The following PRDM2 variants were observed in gnomAD, a reference collection of about 807,000 sequenced individuals.
The protein encoded by PRDM2 is PR/SET domain 2, also known as PR domain zinc finger protein 2.
A neutral mutation model predicts 130.0 loss-of-function variants in PRDM2; 30 were observed. The ratio of observed to expected loss-of-function variants is 0.23; its 90% CI spans 0.17 to 0.31. PRDM2 has a LOEUF of 0.31. Ranked by LOEUF, PRDM2 falls within the 10% of genes least tolerant of loss-of-function variation. The probability of loss-of-function intolerance (pLI) is 1.00; values close to 1 mark genes in which losing one functional copy is unlikely to be tolerated. For synonymous variants in PRDM2, 871 were observed against 782.4 expected (o/e 1.11, Z -1.89); for missense variants, 2,011 against 2,108.4 (o/e 0.95, Z 0.90).
chr1:13,753,475 TTTAAA>T (rs954667736), intron 6 of PRDM2, among the ~76,000 whole-genome samples: 2 of 152,020 alleles, frequency 1.3e-5, no homozygotes, highest in African/African-American at 4.8e-5. Flanking sequence ...ATCAGAATTG[TTTAAA>T]TTAAAAACCT....
chr1:13,753,906 G>A (rs916776310), intron 6 of PRDM2, among the ~76,000 whole-genome samples: 2 of 152,198 alleles, frequency 1.3e-5, no homozygotes, highest in Admixed American at 1.3e-4. Context: ...TCTGGGTGCT[G>A]GAGTTTCAGC....
chr1:13,716,096 T>A (rs991188078), intron 2 of PRDM2, among the ~76,000 whole-genome samples: 3 of 152,024 alleles, frequency 2.0e-5, no homozygotes, highest in Non-Finnish European at 4.4e-5. Flanking sequence ...GTGGCACATA[T>A]ACACCATGGA....
chr1:13,776,640 A>G (rs952623534), intron 7 of PRDM2, among the ~76,000 whole-genome samples: 5 of 152,192 alleles, frequency 3.3e-5, no homozygotes, highest in African/African-American at 9.6e-5. Flanking sequence ...TGCTGTCACA[A>G]TCACAAGACC....
rs116354248 is a variant in PRDM2, at chr1:13,798,076, G to T, written c.5036+15245G>T. Among the ~76,000 whole-genome samples, 305 of 152,246 alleles carry T rather than the reference G, an allele frequency of 2.0e-3. 2 individuals are homozygous for T. The highest frequency in any genetic ancestry group is 7.2e-3 in the African/African-American group (297 of 41,526). On this transcript the variant is annotated intron_variant, in intron 8 of 9. Transcript: ENST00000311066. ...GCTCAGGAGCTGGGGACATTTCTGA[G>T]TGTCGTAGGTAAGAGGGAATTGGGG...
chr1:13,742,295 A>C, intron 5 of PRDM2, 138 bp downstream of exon 5: 1 of 971,584 alleles, frequency 1.0e-6, no homozygotes, highest in South Asian at 1.7e-5. Flanking sequence ...AAGCCTCCCC[A>C]GCCTTGGGCG....
chr1:13,779,281 A>G lies in PRDM2; in HGVS notation c.1486A>G (p.Thr496Ala), dbSNP rs1225763885. The G allele has an allele frequency of 5.0e-6, 8 of 1,614,106 alleles. No homozygotes were observed. Among genetic ancestry groups the G allele is most frequent in the Non-Finnish European group, 5.9e-6 (7 of 1,179,968 alleles). Reference sequence around the variant, plus strand: ...TTGTAAAAAGGTTTTTGGAACTCATACTAATATGAGACGGCATCAGCGTAG... The same window carrying G: ...TTGTAAAAAGGTTTTTGGAACTCATGCTAATATGAGACGGCATCAGCGTAG... ...KYCKKVFGTHTNMRRHQRRVH... is the reference protein window; with the variant it reads ...KYCKKVFGTHANMRRHQRRVH... Residue 496 changes from threonine (T) to alanine (A), a missense_variant, in exon 8 of 10, where the codon ACT (threonine) becomes GCT (alanine). By Grantham distance (58) the Thr-to-Ala change is moderately conservative (BLOSUM62 0). Coordinates refer to ENST00000311066, the MANE Select transcript of PRDM2 (RefSeq NM_001393986.1). This position sits in a 1 kb window ranked among gnomAD's most constrained non-coding sequence, Gnocchi z 4.9.
chr1:13,782,556 T>C lies in PRDM2; in HGVS notation c.4761T>C (p.Val1587=). 10 of 1,614,168 alleles carry C rather than the reference T, an allele frequency of 6.2e-6. No homozygotes were observed. The highest frequency in any genetic ancestry group is 7.6e-6 in the Non-Finnish European group (9 of 1,180,030). ...TAAGAATGGCCAAAATAACTCATGTTGAGGGGAAAAAACCTAAAGCTGTGG... is the reference window on the plus strand; with the variant it reads ...TAAGAATGGCCAAAATAACTCATGTCGAGGGGAAAAAACCTAAAGCTGTGG... ...SPIRMAKITH[V]EGKKPKAVAK... is the part of the protein sequence containing the mutation. The change falls in exon 8 of 10, where the codon GTT becomes GTC. Residue 1587 remains valine (V), a synonymous_variant. Coordinates refer to ENST00000311066, the MANE Select transcript of PRDM2 (RefSeq NM_001393986.1).
intron 5 of PRDM2, among the ~76,000 whole-genome samples, chr1:13,743,189 GGAGATTGAGA>G (rs1643500483): frequency 6.6e-6 from 1 of 152,038 alleles, no homozygotes. Flanking sequence ...CATGAGGTCA[GGAGATTGAGA>G]CCATCCTGGC....
At chr1:13,757,988 G>A (rs1644000528) in intron 6 of PRDM2, among the ~76,000 whole-genome samples, 1 of 152,004 alleles carries the variant, frequency 6.6e-6, no homozygotes, top group Non-Finnish European at 1.5e-5. Flanking sequence ...TTCCTAAGGA[G>A]GGGCACGCGT....
chr1:13,743,437 C>T (rs1227901268), intron 5 of PRDM2, among the ~76,000 whole-genome samples: 1 of 147,034 alleles, frequency 6.8e-6, no homozygotes, highest in African/African-American at 2.5e-5. Flanking sequence ...GACAGATCCT[C>T]ACATTATACA....
chr1:13,770,479 A>G (rs765723691), intron 6 of PRDM2, among the ~76,000 whole-genome samples: 4 of 152,054 alleles, frequency 2.6e-5, no homozygotes, highest in Non-Finnish European at 5.9e-5. Flanking sequence ...TGACCTACAG[A>G]CTGGGTTTGT....
chr1:13,738,656 T>C lies in PRDM2; in HGVS notation c.232-3349T>C, dbSNP rs1303852048. The C allele has an allele frequency of 3.9e-5, 6 of 152,364 alleles. No individual in the cohort carries two copies. In the South Asian group the frequency reaches 8.3e-4, roughly 21 times the overall value. The allele number at this position is 152,364 out of a possible 1,614,324, so 9.4% of individuals were successfully genotyped here. On this transcript the variant is annotated intron_variant, in intron 4 of 9. Transcript: ENST00000311066. Reference sequence around the variant, plus strand: ...AAATGTCCTCTGACAAGTGGGCTTATTGAAATAAAATGTGCTATCACCTGT... The same window carrying C: ...AAATGTCCTCTGACAAGTGGGCTTACTGAAATAAAATGTGCTATCACCTGT...
intron 8 of PRDM2, chr1:13,786,774 G>T: frequency 3.0e-6 from 4 of 1,340,552 alleles, no homozygotes. Context: ...GGCACTGTAA[G>T]ACAGGCCAGA....
intron 2 of PRDM2, 38 bp downstream of exon 2, chr1:13,715,652 C>A: frequency 1.9e-6 from 3 of 1,548,680 alleles, no homozygotes; most frequent in Non-Finnish European, 2.6e-6. Flanking sequence ...AATACATGAC[C>A]TAGATGTTAG....
At chr1:13,820,202 A>G (rs1645326352) in intron 9 of PRDM2, among the ~76,000 whole-genome samples, 1 of 152,194 alleles carries the variant, frequency 6.6e-6, no homozygotes, top group Admixed American at 6.5e-5. Context: ...TTGTTCAGAA[A>G]AAAGGATGGC....
chr1:13,762,143 C>T (rs1261001930), intron 6 of PRDM2, among the ~76,000 whole-genome samples: 1 of 152,206 alleles, frequency 6.6e-6, no homozygotes, highest in Non-Finnish European at 1.5e-5. Flanking sequence ...GTGTGGCATT[C>T]GTTTTGTGCA....
chr1:13,762,904 T>G (rs1021272288), intron 6 of PRDM2, among the ~76,000 whole-genome samples: 6 of 152,144 alleles, frequency 3.9e-5, no homozygotes, highest in African/African-American at 1.4e-4. Flanking sequence ...GGGGCACAGT[T>G]GAGATCCTCC....
intron 5 of PRDM2, among the ~76,000 whole-genome samples, chr1:13,747,693 C>T (rs1393021423): frequency 1.4e-5 from 2 of 143,268 alleles, no homozygotes; most frequent in African/African-American, 2.6e-5. Flanking sequence ...CTTTTGGGGG[C>T]TTTATCTAGA....
At chr1:13,710,006 A>AT (rs1440502857) in intron 1 of PRDM2, among the ~76,000 whole-genome samples, 1 of 152,226 alleles carries the variant, frequency 6.6e-6, no homozygotes, top group Non-Finnish European at 1.5e-5. Context: ...TACAAATCAA[A>AT]TATGTATTTT....
Sources: allele counts gnomAD v4.1 joint callset (sites outside exome capture counted in the v4.1 genomes callset), GRCh38; gene constraint gnomAD v4.1.1; non-coding constraint Gnocchi (gnomAD v3.1); transcripts MANE v1.5; gene names NCBI Gene and HGNC (gene_info 2026-07-23, HGNC 2026-07-21).